CDH7: variants seen among roughly 807,000 people sequenced by gnomAD.
CDH7 encodes the protein cadherin-7.
In CDH7, 25 loss-of-function variants were observed where a neutral mutation model predicts 71.8. The ratio of observed to expected loss-of-function variants is 0.35; its 90% CI spans 0.25 to 0.49. The LOEUF is 0.49. Ranked by LOEUF, CDH7 falls within the 20% of genes least tolerant of loss-of-function variation. The pLI, the probability that CDH7 is intolerant of heterozygous loss-of-function variation, is 0.99. For synonymous variants in CDH7, 381 were observed against 363.8 expected, an observed-to-expected ratio of 1.05 and a Z score of -0.54; for missense variants, 862 against 974.6, an observed-to-expected ratio of 0.88 and a Z score of 1.54.
chr18:65,862,735 C>T lies in CDH7; in HGVS notation c.1682C>T (p.Pro561Leu). Residue 561 changes from proline (P) to leucine (L), a missense_variant, in exon 11 of 12, where the codon CCA becomes CTA. Pro to Leu is a moderately conservative substitution (Grantham distance 98, BLOSUM62 -3). Transcript: ENST00000397968. Reference protein sequence around the residue: ...RRQEQSVYYLPIFIVDSGSPS... With the variant: ...RRQEQSVYYLLIFIVDSGSPS... ...CAGGAACAATCAGTTTACTATCTGC[C>T]AATTTTCATTGTGGACAGTGGATCT... The T allele has an allele frequency of 6.2e-7, 1 of 1,613,980 alleles. No individual in the cohort carries two copies. Among genetic ancestry groups the T allele is most frequent in the Non-Finnish European group, 8.5e-7 (1 of 1,179,864 alleles).
rs1240024129 is a variant in CDH7 at position 65,825,906 on chromosome 18, A to AGG, written c.981+1076_981+1077dup. On this transcript the variant is annotated intron_variant, in intron 6 of 11. Transcript: ENST00000397968. ...TGCCTAAATTAAAAGGAATTCAGTA[A>AGG]GGTACAATGCTGCTCAAAGATTTCA... Among the ~76,000 whole-genome samples, 526 of 151,888 alleles carry AGG rather than the reference A, an allele frequency of 3.5e-3. 1 individual carries two copies. Among genetic ancestry groups the AGG allele is most frequent in the African/African-American group, 0.012 (494 of 41,546 alleles).
At chr18:65,864,929 G>C in intron 11 of CDH7, among the ~76,000 whole-genome samples, 1 of 145,950 alleles carries the variant, frequency 6.9e-6, no homozygotes, top group African/African-American at 2.5e-5. Flanking sequence ...TTCATGTTTA[G>C]AATGTCTTTA....
At chr18:65,880,153 A>G (rs771468342) in intron 11 of CDH7, among the ~76,000 whole-genome samples, 4 of 152,194 alleles carry the variant, frequency 2.6e-5, no homozygotes, top group Non-Finnish European at 5.9e-5. Flanking sequence ...GTTACGTTAA[A>G]GAGGAAGACA....
At chr18:65,828,202 C>T (rs950318190) in intron 6 of CDH7, among the ~76,000 whole-genome samples, 3 of 151,822 alleles carry the variant, frequency 2.0e-5, no homozygotes, top group East Asian at 1.9e-4. Flanking sequence ...CTTTCTCATC[C>T]GTATTGGAAT....
At chr18:65,782,422 T>G (rs1417025329) in intron 2 of CDH7, among the ~76,000 whole-genome samples, 1 of 152,006 alleles carries the variant, frequency 6.6e-6, no homozygotes, top group Non-Finnish European at 1.5e-5. Context: ...CCTCCCAAAG[T>G]GCTGGGATTA....
At chr18:65,868,056 G>GGAAAAATACATTAA (rs11274425) in intron 11 of CDH7, among the ~76,000 whole-genome samples, 11 of 151,944 alleles carry the variant, frequency 7.2e-5, no homozygotes, top group South Asian at 6.2e-4. Flanking sequence ...CATCACTGAA[G>GGAAAAATACATTAA]ATTGTGGAGA....
rs143157457 is a variant in CDH7 at position 65,824,660 on chromosome 18, C to T, written c.810C>T (p.Asn270=). 1.9e-5 allele frequency: 30 copies of T among 1,577,262 alleles called. No individual in the cohort carries two copies. In the African/African-American group the frequency reaches 2.7e-4, roughly 14 times the overall value. ...ATTTCACAGGGTCTTATCAATATAACGTCCCAGAGTCATTACCTGTAGCCT... is the reference window on the plus strand; with the variant it reads ...ATTTCACAGGGTCTTATCAATATAATGTCCCAGAGTCATTACCTGTAGCCT... The part of the protein sequence containing the change: ...PRFPRRSYQY[N]VPESLPVASV... The change falls in exon 6 of 12, where the codon AAC becomes AAT. Residue 270 remains asparagine, a synonymous_variant. Transcript: ENST00000397968.
chr18:65,784,697 G>A (rs1217848130), intron 2 of CDH7, among the ~76,000 whole-genome samples: 2 of 152,142 alleles, frequency 1.3e-5, no homozygotes, highest in Non-Finnish European at 2.9e-5. Context: ...AAGTCATTAA[G>A]TGGTCCTTAT....
chr18:65,781,848 TTCTTTCTTTCTTTCTTTC>T lies in CDH7; in HGVS notation c.210+18800_210+18817del, dbSNP rs1236230386. ...TTTCTTTCTTTCTTTCTTTCTTTCTTTCTTTCTTTCTTTCTTTCTCTCTCTCTCTCTGTCTCTCTCTCT... is the reference window on the plus strand; with the variant it reads ...TTTCTTTCTTTCTTTCTTTCTTTCTTTCTCTCTCTCTCTGTCTCTCTCTCT... On this transcript the variant is annotated intron_variant, in intron 2 of 11. Coordinates refer to ENST00000397968, the MANE Select transcript of CDH7 (RefSeq NM_004361.5). Among the ~76,000 whole-genome samples the T allele has an allele frequency of 9.0e-4, 83 of 91,976 alleles. 2 individuals are homozygous for T. The highest frequency in any genetic ancestry group is 6.8e-3 in the Middle Eastern group (1 of 146). The allele number at this position is 91,976 out of a possible 152,430, so 60.3% of individuals were successfully genotyped here. A position where few individuals can be genotyped will look rare whatever the true frequency, so the allele number is the denominator to read the frequency against.
chr18:65,786,181 T>C (rs750242723), intron 2 of CDH7, among the ~76,000 whole-genome samples: 6 of 152,168 alleles, frequency 3.9e-5, no homozygotes, highest in Admixed American at 6.6e-5. Context: ...TGTACCTGAT[T>C]ATATCAGGGA....
chr18:65,814,431 TG>T, intron 3 of CDH7, 53 bp from the exon 4 acceptor site: 1 of 1,601,114 alleles, frequency 6.2e-7, no homozygotes, highest in Non-Finnish European at 8.6e-7. Context: ...GTACGTTTTT[TG>T]TTTTGTGGTA....
At chr18:65,757,556 C>T (rs916009555) in intron 1 of CDH7, among the ~76,000 whole-genome samples, 3 of 151,960 alleles carry the variant, frequency 2.0e-5, no homozygotes, top group Admixed American at 6.6e-5. Flanking sequence ...AAGTTTTAGC[C>T]TTAAAATATC....
intron 6 of CDH7, among the ~76,000 whole-genome samples, chr18:65,828,543 T>C (rs1005582965): frequency 6.6e-6 from 1 of 152,170 alleles, no homozygotes; most frequent in Non-Finnish European, 1.5e-5. Context: ...TATATGAAGA[T>C]ATTAGACTGT....
Position 65,883,979 on chromosome 18 carries a change from AT to A in CDH7, c.*3087del, listed in dbSNP as rs1347308521. On this transcript the variant is annotated 3_prime_UTR_variant, in exon 12 of 12. Transcript: ENST00000397968. ...ATAGTTCAGGAAGTCAATATATTTA[AT>A]TATTTTCCACTTGTCCATACAGGAG... 6.6e-6 allele frequency: 1 copy of A among 152,100 alleles called. No individual in the cohort carries two copies. The allele number at this position is 152,100 out of a possible 1,614,324, so 9.4% of individuals were successfully genotyped here.
At chr18:65,811,341 G>A (rs975282180) in intron 3 of CDH7, among the ~76,000 whole-genome samples, 1 of 152,096 alleles carries the variant, frequency 6.6e-6, no homozygotes, top group East Asian at 1.9e-4. Context: ...GAAGAGAGAG[G>A]GGAAATTATT....
intron 2 of CDH7, among the ~76,000 whole-genome samples, chr18:65,782,447 C>T (rs1910347108): frequency 6.6e-6 from 1 of 152,044 alleles, no homozygotes; most frequent in African/African-American, 2.4e-5. Context: ...CATGAGGCAC[C>T]TCACTCAGCC....
chr18:65,754,640 C>A (rs907229080), intron 1 of CDH7, among the ~76,000 whole-genome samples: 1 of 151,958 alleles, frequency 6.6e-6, no homozygotes, highest in Non-Finnish European at 1.5e-5. Flanking sequence ...GATTATAATG[C>A]GAATATCAGC....
At chr18:65,778,641 AAAG>A (rs1464136657) in intron 2 of CDH7, among the ~76,000 whole-genome samples, 1 of 145,640 alleles carries the variant, frequency 6.9e-6, no homozygotes, top group Non-Finnish European at 1.5e-5. Flanking sequence ...ATGGATAATG[AAAG>A]TTTGCATATA....
intron 4 of CDH7, among the ~76,000 whole-genome samples, chr18:65,821,495 G>A (rs780112942): frequency 6.6e-6 from 1 of 152,094 alleles, no homozygotes; most frequent in African/African-American, 2.4e-5. Flanking sequence ...TAGTGTATTA[G>A]AATAAATGAG....
Sources: gnomAD v4.1 joint callset for allele counts (sites outside exome capture counted in the v4.1 genomes callset) on GRCh38, gnomAD v4.1.1 for gene constraint, MANE v1.5 for transcripts, NCBI Gene and HGNC (gene_info 2026-07-23, HGNC 2026-07-21) for gene names.